PGC: variants seen among roughly 807,000 people sequenced by gnomAD.
PGC encodes progastricsin.
In PGC, 31 loss-of-function variants were observed where a neutral mutation model predicts 45.9. The ratio of observed to expected loss-of-function variants is 0.67; its 90% confidence interval spans 0.51 to 0.91. The LOEUF (loss-of-function observed/expected upper bound fraction) is 0.91, where lower values mean the gene tolerates loss of function less well. Among genes scored for constraint, PGC ranks in the 40% least tolerant of loss-of-function variants. PGC has a pLI of 0.00. For synonymous variants in PGC, 192 were observed against 201.8 expected, an observed-to-expected ratio of 0.95 and a Z score of 0.41; for missense variants, 477 against 493.2, an observed-to-expected ratio of 0.97 and a Z score of 0.31.
intron 1 of PGC, among the ~76,000 whole-genome samples, chr6:41,746,069 G>A (rs1441081655): frequency 1.3e-5 from 2 of 152,012 alleles, no homozygotes; most frequent in African/African-American, 4.8e-5. Context: ...GGCTGAGGTG[G>A]GAGAATCGCT....
intron 8 of PGC, 115 bp downstream of exon 8, chr6:41,737,615 G>A (rs1771710484): frequency 4.6e-6 from 3 of 649,764 alleles, no homozygotes; most frequent in East Asian, 2.7e-5. Context: ...AGATAAATGA[G>A]TACAAGCGTG....
At chr6:41,739,724 T>C in intron 7 of PGC, 75 bp downstream of exon 7, 1 of 1,457,916 alleles carries the variant, frequency 6.9e-7, no homozygotes, top group Non-Finnish European at 9.3e-7. Context: ...CAGCTGGCTA[T>C]TGTGTTCCCA....
chr6:41,740,447 C>A (rs770152108), intron 6 of PGC, 44 bp downstream of exon 6: 1 of 1,578,082 alleles, frequency 6.3e-7, no homozygotes, highest in Non-Finnish European at 8.6e-7. Flanking sequence ...TGGAAGCCCA[C>A]TCCAAGGAAG....
At chr6:41,737,114 G>T in intron 8 of PGC, 110 bp from the exon 9 acceptor site, 1 of 1,119,612 alleles carries the variant, frequency 8.9e-7, no homozygotes, top group Non-Finnish European at 1.3e-6. Context: ...AGGGAGCCAG[G>T]GTCTCTGCCT....
At chr6:41,743,240 GCC>G in intron 4 of PGC, 29 bp downstream of exon 4, 1 of 1,302,168 alleles carries the variant, frequency 7.7e-7, no homozygotes, top group South Asian at 1.2e-5. Flanking sequence ...ATAGCTCACA[GCC>G]CCAGCCTCCA....
At chr6:41,745,549 G>GTT (rs58088265) in intron 1 of PGC, among the ~76,000 whole-genome samples, 46 of 124,920 alleles carry the variant, frequency 3.7e-4, no homozygotes, top group Non-Finnish European at 3.7e-4. Flanking sequence ...AGGATATGTA[G>GTT]TTTTTTTTTT....
At position 41,741,984 on chromosome 6, in the gene PGC, G is replaced by A; in HGVS notation, c.647+306C>T. On this transcript the variant is annotated intron_variant, in intron 5 of 8. Coordinates refer to ENST00000373025, the MANE Select transcript of PGC (RefSeq NM_002630.4). ...AGGAAGCCTGTCCAAGGGGTGCTGA[G>A]AATCAGAGCAGCAAAACTCAGGGCA... 5.8e-6 allele frequency: 4 copies of A among 695,592 alleles called. No individual in the cohort carries two copies. In the South Asian group the frequency reaches 6.9e-5, roughly 12 times the overall value. The allele number at this position is 695,592 out of a possible 1,614,324, so 43.1% of individuals were successfully genotyped here. A position where few individuals can be genotyped will look rare whatever the true frequency, so the allele number is the denominator to read the frequency against.
chr6:41,746,475 A>G (rs1197615464), intron 1 of PGC, among the ~76,000 whole-genome samples: 3 of 152,154 alleles, frequency 2.0e-5, no homozygotes, highest in African/African-American at 7.2e-5. Flanking sequence ...GCTCAGTCAC[A>G]CCCTCGGCAC....
chr6:41,743,168 C>T (rs1268955508), intron 4 of PGC, 103 bp downstream of exon 4: 4 of 782,914 alleles, frequency 5.1e-6, no homozygotes, highest in Non-Finnish European at 9.1e-6. Flanking sequence ...CTGTCCTGCA[C>T]ACCAGAACAC....
Position 41,737,848 on chromosome 6 carries a change from CTGG to C in PGC, c.916-23_916-21del, listed in dbSNP as rs1254863704. 6.9e-7 allele frequency: 1 copy of C among 1,449,246 alleles called. No homozygotes were observed. Among genetic ancestry groups the C allele is most frequent in the African/African-American group, 1.4e-5 (1 of 71,666 alleles). The allele number at this position is 1,449,246 out of a possible 1,614,324, so 89.8% of individuals were successfully genotyped here. On this transcript the variant is annotated intron_variant, in intron 7 of 8. Transcript: ENST00000373025. ...GAGAAACTGCAAGAGGAATAGGTCC[CTGG>C]TTAACTCATCCTCCCCCTGATAGCA...
intron 4 of PGC, 56 bp from the exon 5 acceptor site, chr6:41,742,545 A>C: frequency 7.5e-7 from 1 of 1,332,480 alleles, no homozygotes. Flanking sequence ...CACCTCCTCC[A>C]GGTTCCCCTA....
At chr6:41,739,154 G>T (rs1296532451) in intron 7 of PGC, among the ~76,000 whole-genome samples, 1 of 152,178 alleles carries the variant, frequency 6.6e-6, no homozygotes, top group East Asian at 1.9e-4. Flanking sequence ...TAAAGGGTCA[G>T]CCCTGGTTGC....
chr6:41,738,204 A>ATATATATACG (rs1561879848), intron 7 of PGC, among the ~76,000 whole-genome samples: 7 of 11,454 alleles, frequency 6.1e-4, no homozygotes, highest in African/African-American at 8.4e-4. Context: ...ATATATATGC[A>ATATATATACG]TATATATATG....
At chr6:41,738,676 G>C (rs184550858) in intron 7 of PGC, among the ~76,000 whole-genome samples, 1 of 150,958 alleles carries the variant, frequency 6.6e-6, no homozygotes, top group African/African-American at 2.4e-5. Flanking sequence ...AACACAGATG[G>C]CTGGGCGTGG....
At chr6:41,738,233 TATATGTATATATATATGC>T (rs1771750048) in intron 7 of PGC, among the ~76,000 whole-genome samples, 1 of 13,220 alleles carries the variant, frequency 7.6e-5, no homozygotes, top group South Asian at 3.1e-3. Flanking sequence ...TATGCATATA[TATATGTATATATATATGC>T]ATATATATAT....
chr6:41,738,226 G>A (rs5015774), intron 7 of PGC, among the ~76,000 whole-genome samples: 20,155 of 50,820 alleles, frequency 0.4, 6,071 homozygotes, highest in Non-Finnish European at 0.49. Flanking sequence ...ATATATATAT[G>A]CATATATATA....
Position 41,747,272 on chromosome 6 carries a change from T to C in PGC, c.59+4A>G. 6.2e-7 allele frequency: 1 copy of C among 1,613,318 alleles called. No homozygotes were observed. On this transcript the variant is annotated splice_donor_region_variant and intron_variant, in intron 1 of 8. Transcript: ENST00000373025. ...CTGCACCAGCAGCCAGATCCCAGAC[T>C]CACTTGACCACTGCTGCCTCCAAGA... is the stretch of plus-strand genomic sequence containing the variant.
Position 41,737,006 on chromosome 6 carries a change from T to G in PGC, c.1015-2A>C, listed in dbSNP as rs756595257. On this transcript the variant is annotated splice_acceptor_variant, in intron 8 of 8. Transcript: ENST00000373025. LOFTEE classifies it high-confidence loss of function. ...TCCCACGGTGCAGTAGCCGTTGTTC[T>G]GCTCAACAAAGAAAGGCAGCACTCA... is the stretch of plus-strand genomic sequence containing the variant. 2 of 1,612,422 alleles carry G rather than the reference T, an allele frequency of 1.2e-6. No homozygotes were observed. The highest frequency in any genetic ancestry group is 2.2e-5 in the South Asian group (2 of 90,918).
intron 1 of PGC, 104 bp downstream of exon 1, chr6:41,747,172 C>A (rs1424933460): frequency 1.1e-6 from 1 of 937,860 alleles, no homozygotes; most frequent in South Asian, 1.4e-5. Flanking sequence ...TAGCAGAAGT[C>A]CCAGAGTAGA....
Sources: allele counts gnomAD v4.1 joint callset (sites outside exome capture counted in the v4.1 genomes callset), GRCh38; gene constraint gnomAD v4.1.1; transcripts MANE v1.5; gene names NCBI Gene and HGNC (gene_info 2026-07-23, HGNC 2026-07-21).